Variants in CEP112 observed in about 807,000 individuals in gnomAD.
CEP112 encodes centrosomal protein of 112 kDa.
Under a neutral mutation model 153.0 loss-of-function variants are expected in CEP112, and 127 were observed. That is an observed-to-expected ratio of 0.83 (90% CI 0.72 to 0.96). CEP112 has a LOEUF of 0.96. Among genes scored for constraint, CEP112 ranks in the 40% least tolerant of loss-of-function variants. The pLI is 0.00. For missense variants in CEP112, 1,089 were observed against 1,101.2 expected, an observed-to-expected ratio of 0.99 and a Z score of 0.16; for synonymous variants, 358 against 374.4, an observed-to-expected ratio of 0.96 and a Z score of 0.51.
At chr17:65,884,909 T>C (rs1407290045) in intron 20 of CEP112, among the ~76,000 whole-genome samples, 2 of 151,932 alleles carry the variant, frequency 1.3e-5, no homozygotes, top group Non-Finnish European at 2.9e-5. Flanking sequence ...AGAGACAGGG[T>C]TTCTCCATGT....
At chr17:65,788,528 GTT>G (rs1353447609) in intron 21 of CEP112, among the ~76,000 whole-genome samples, 1 of 151,914 alleles carries the variant, frequency 6.6e-6, no homozygotes, top group Non-Finnish European at 1.5e-5. Flanking sequence ...TGAGTCTGAT[GTT>G]TTCTTTAATA....
intron 20 of CEP112, among the ~76,000 whole-genome samples, chr17:65,859,421 CAG>C (rs1598801544): frequency 8.2e-6 from 1 of 121,902 alleles, no homozygotes; most frequent in East Asian, 2.3e-4. Flanking sequence ...GCCTGGGTGA[CAG>C]GGTGAGACTC....
At chr17:66,030,533 G>A (rs2065420101) in intron 12 of CEP112, among the ~76,000 whole-genome samples, 1 of 152,136 alleles carries the variant, frequency 6.6e-6, no homozygotes, top group Non-Finnish European at 1.5e-5. Context: ...AAGTGTATAG[G>A]AACATTTAAT....
At chr17:65,659,437 T>C (rs1021525173) in intron 24 of CEP112, among the ~76,000 whole-genome samples, 3 of 152,228 alleles carry the variant, frequency 2.0e-5, no homozygotes, top group Non-Finnish European at 4.4e-5. Flanking sequence ...TTGCCAGATA[T>C]GGTATTCTAT....
rs1481203815 is a variant in CEP112 at position 66,073,865 on chromosome 17, T to C, written c.769-3864A>G. ...AATTCTATGGAGAAAAATAACAGAA[T>C]CCAGAGTCCCTACAAGGTATCAACC... On this transcript the variant is annotated intron_variant, in intron 8 of 26. Coordinates refer to ENST00000535342, the MANE Select transcript of CEP112 (RefSeq NM_001199165.4). Among the ~76,000 whole-genome samples, 6 of 151,750 alleles carry C rather than the reference T, an allele frequency of 4.0e-5. No individual in the cohort carries two copies. In the East Asian group the frequency reaches 9.7e-4, roughly 24 times the overall value.
intron 12 of CEP112, among the ~76,000 whole-genome samples, chr17:66,031,493 T>TG (rs1303023770): frequency 4.7e-5 from 7 of 149,154 alleles, no homozygotes; most frequent in Non-Finnish European, 8.9e-5. Flanking sequence ...TTTGTTTTTT[T>TG]TTTTTTTTGA....
intron 8 of CEP112, 127 bp downstream of exon 8, chr17:66,096,124 A>T: frequency 1.6e-6 from 1 of 621,920 alleles, no homozygotes; most frequent in Non-Finnish European, 2.7e-6. Flanking sequence ...ATCATGTTTT[A>T]TATTTGTTTC....
intron 8 of CEP112, among the ~76,000 whole-genome samples, chr17:66,088,691 C>A (rs1490710172): frequency 6.6e-6 from 1 of 152,196 alleles, no homozygotes; most frequent in Non-Finnish European, 1.5e-5. Context: ...TGGTCCCATA[C>A]ACCAGGAGAC....
chr17:65,917,758 G>C (rs1051982627), intron 19 of CEP112, among the ~76,000 whole-genome samples: 4 of 151,848 alleles, frequency 2.6e-5, no homozygotes, highest in Non-Finnish European at 5.9e-5. Flanking sequence ...AGCTCCCCAC[G>C]TGATGTGGGG....
intron 24 of CEP112, among the ~76,000 whole-genome samples, chr17:65,660,373 T>C (rs1472370347): frequency 6.4e-5 from 8 of 124,354 alleles, no homozygotes; most frequent in African/African-American, 1.7e-4. Context: ...CTCCCTCCCT[T>C]CCTTCCTTCC....
rs9902725 is a variant in CEP112 at position 65,697,962 on chromosome 17, T to C, written c.2608-8744A>G. Among the ~76,000 whole-genome samples the C allele has an allele frequency of 3.4e-3, 520 of 152,330 alleles. 4 individuals are homozygous for C. Among genetic ancestry groups the C allele is most frequent in the African/African-American group, 0.012 (503 of 41,580 alleles). On this transcript the variant is annotated intron_variant, in intron 23 of 26. Coordinates refer to ENST00000535342, the MANE Select transcript of CEP112 (RefSeq NM_001199165.4). ...TTCACAACGCAACTGTATAATTATT[T>C]TCCCCTATGGCTTATGTTCAGGTTT...
In CEP112 at chr17:66,040,499, T is replaced by TTC. The variant is rs2065925158; in HGVS notation, c.1219-10477_1219-10476insGA. 2.0e-5 allele frequency among the ~76,000 whole-genome samples: 3 copies of TTC among 149,338 alleles called. No individual in the cohort carries two copies. The South Asian group carries it at 6.3e-4, about 31-fold the overall frequency. ...ATTGCCTTTTCCCTTTTTTTCTTTT[T>TTC]TTTTTTTTTTGAGACAGAGTCTTGC... On this transcript the variant is annotated intron_variant, in intron 12 of 26. Transcript: ENST00000535342.
chr17:66,072,681 G>A (rs1224167010), intron 8 of CEP112, among the ~76,000 whole-genome samples: 1 of 152,090 alleles, frequency 6.6e-6, no homozygotes, highest in African/African-American at 2.4e-5. Context: ...TTAAGACAGT[G>A]AGCACCAAGT....
intron 10 of CEP112, among the ~76,000 whole-genome samples, chr17:66,064,719 CA>C (rs1243175441): frequency 6.6e-6 from 1 of 152,086 alleles, no homozygotes; most frequent in Non-Finnish European, 1.5e-5. Flanking sequence ...GATTGCAATT[CA>C]AAATGCCTTT....
intron 4 of CEP112, among the ~76,000 whole-genome samples, chr17:66,160,594 A>G (rs1451298544): frequency 1.3e-5 from 2 of 152,224 alleles, no homozygotes; most frequent in African/African-American, 4.8e-5. Context: ...CAATGGGGAA[A>G]GGATTTCCTA....
chr17:65,660,711 ATTTTTGTATTTT>A (rs1213379842), intron 24 of CEP112, among the ~76,000 whole-genome samples: 1 of 70,900 alleles, frequency 1.4e-5, no homozygotes, highest in Admixed American at 1.6e-4. Flanking sequence ...TGCCTTGCTA[ATTTTTGTATTTT>A]TTTTTGTAGA....
At chr17:65,773,406 TAA>T (rs1333905034) in intron 21 of CEP112, among the ~76,000 whole-genome samples, 1 of 67,932 alleles carries the variant, frequency 1.5e-5, no homozygotes, top group East Asian at 5.4e-4. Context: ...ACTGCTGTAA[TAA>T]GAGGCCATTT....
intron 8 of CEP112, among the ~76,000 whole-genome samples, chr17:66,077,883 G>A (rs979996385): frequency 5.3e-5 from 8 of 152,210 alleles, no homozygotes; most frequent in African/African-American, 1.9e-4. Context: ...AAGCTCTTTA[G>A]TTTAATTAAG....
At chr17:66,155,426 C>T (rs1183938293) in intron 4 of CEP112, among the ~76,000 whole-genome samples, 2 of 152,084 alleles carry the variant, frequency 1.3e-5, no homozygotes, top group Non-Finnish European at 2.9e-5. Context: ...GGTGCCTACA[C>T]CACCAGGGCC....
Sources: gnomAD v4.1 joint callset for allele counts (sites outside exome capture counted in the v4.1 genomes callset) on GRCh38, gnomAD v4.1.1 for gene constraint, MANE v1.5 for transcripts, NCBI Gene and HGNC (gene_info 2026-07-23, HGNC 2026-07-21) for gene names.